Variants in CHD9 observed in about 807,000 individuals in gnomAD.
CHD9 encodes the protein chromodomain helicase DNA binding protein 9.
A neutral mutation model predicts 316.1 loss-of-function variants in CHD9; 77 were observed. The observed-to-expected ratio is 0.24, with a 90% CI of 0.20 to 0.29. The LOEUF is 0.29. Among genes scored for constraint, CHD9 ranks in the 10% least tolerant of loss-of-function variants. The pLI, the probability that CHD9 is intolerant of heterozygous loss-of-function variation, is 1.00. For missense variants in CHD9, 2,763 were observed against 3,438.1 expected (o/e 0.80, Z 4.91); for synonymous variants, 1,129 against 1,158.3 (o/e 0.97, Z 0.51).
At chr16:53,232,032 A>T (rs1203887817) in intron 10 of CHD9, among the ~76,000 whole-genome samples, 5 of 152,134 alleles carry the variant, frequency 3.3e-5, no homozygotes, top group African/African-American at 1.2e-4. Context: ...GAAGTAAGAG[A>T]AGGAAATGAA....
intron 3 of CHD9, among the ~76,000 whole-genome samples, chr16:53,212,638 G>A (rs77849294): frequency 3.8e-4 from 58 of 151,960 alleles, no homozygotes; most frequent in African/African-American, 1.4e-3. Flanking sequence ...TGTCCTTTTC[G>A]GAGCACTTTC....
At chr16:53,198,051 C>G (rs1383405563) in intron 2 of CHD9, among the ~76,000 whole-genome samples, 1 of 152,034 alleles carries the variant, frequency 6.6e-6, no homozygotes, top group Non-Finnish European at 1.5e-5. Flanking sequence ...TCAAGCGTAT[C>G]GACTCTCCAA....
At chr16:53,082,894 C>G (rs1044853120) in intron 1 of CHD9, among the ~76,000 whole-genome samples, 1 of 152,230 alleles carries the variant, frequency 6.6e-6, no homozygotes, top group African/African-American at 2.4e-5. Flanking sequence ...CATGCCCTCC[C>G]TCTTTGTGTC....
rs537055503 is a variant in CHD9, at chr16:53,079,164, A to G, written c.-165+24087A>G. 7.2e-5 allele frequency among the ~76,000 whole-genome samples: 11 copies of G among 152,304 alleles called. No individual in the cohort carries two copies. The South Asian group carries it at 2.3e-3, about 32-fold the overall frequency. ...AAGCTTTTCCTTCTCGTACCCCTCA[A>G]AAGATTTTCCTACTGGTCTGGTCCA... On this transcript the variant is annotated intron_variant, in intron 1 of 38. Transcript: ENST00000447540.
intron 1 of CHD9, among the ~76,000 whole-genome samples, chr16:53,153,989 A>G (rs2041319771): frequency 6.6e-6 from 1 of 152,198 alleles, no homozygotes; most frequent in Non-Finnish European, 1.5e-5. Context: ...CAAATAATGA[A>G]TATACAACTG....
chr16:53,130,292 G>A (rs899962360), intron 1 of CHD9, among the ~76,000 whole-genome samples: 1 of 152,196 alleles, frequency 6.6e-6, no homozygotes, highest in African/African-American at 2.4e-5. Flanking sequence ...GTCTCCGCGC[G>A]AAAGGAGAAC....
Position 53,306,222 on chromosome 16 carries a change from A to G in CHD9, c.6620-15A>G. ...TGTAGTCTTTTTAAAAAATGATTAT[A>G]ATTGTTTTTAGCAGAAAGTACTACT... is the stretch of plus-strand genomic sequence containing the variant. On this transcript the variant is annotated splice_polypyrimidine_tract_variant and intron_variant, in intron 31 of 38. Transcript: ENST00000447540. 6.9e-7 allele frequency: 1 copy of G among 1,439,684 alleles called. No individual in the cohort carries two copies. Among genetic ancestry groups the G allele is most frequent in the Non-Finnish European group, 9.2e-7 (1 of 1,089,426 alleles). 89.2% of individuals were successfully genotyped at this position (1,439,684 alleles called of 1,614,324 possible). A position where few individuals can be genotyped will look rare whatever the true frequency, so the allele number is the denominator to read the frequency against.
chr16:53,147,221 A>G (rs2040705894), intron 1 of CHD9, among the ~76,000 whole-genome samples: 1 of 152,232 alleles, frequency 6.6e-6, no homozygotes, highest in Non-Finnish European at 1.5e-5. Flanking sequence ...AAGGGCAATC[A>G]GGAAAGGCCT....
intron 36 of CHD9, among the ~76,000 whole-genome samples, chr16:53,317,163 C>CAAAAAA (rs537619212): frequency 4.9e-5 from 4 of 81,746 alleles, no homozygotes; most frequent in African/African-American, 1.4e-4. Context: ...AACTCCATCT[C>CAAAAAA]AAAAAAAAAA....
chr16:53,128,403 A>G (rs1210994182), intron 1 of CHD9, among the ~76,000 whole-genome samples: 1 of 152,044 alleles, frequency 6.6e-6, no homozygotes, highest in East Asian at 1.9e-4. Context: ...GCTGGTCTCC[A>G]ACTCCTGGCC....
intron 1 of CHD9, among the ~76,000 whole-genome samples, chr16:53,109,941 C>A (rs1395439735): frequency 6.6e-6 from 1 of 152,128 alleles, no homozygotes; most frequent in Admixed American, 6.5e-5. Flanking sequence ...GCCTCGGCCT[C>A]CCAAAGTGCT....
At chr16:53,262,560 G>A (rs2051249400) in intron 19 of CHD9, among the ~76,000 whole-genome samples, 1 of 152,034 alleles carries the variant, frequency 6.6e-6, no homozygotes, top group Admixed American at 6.5e-5. Flanking sequence ...TCCTTTAGGA[G>A]ATATTACTAT....
intron 19 of CHD9, among the ~76,000 whole-genome samples, chr16:53,256,919 A>G (rs965269141): frequency 2.0e-5 from 3 of 152,168 alleles, no homozygotes; most frequent in Non-Finnish European, 4.4e-5. Context: ...CAGCCTTCAA[A>G]TAGAAACTCA....
At chr16:53,272,453 C>G (rs775170503) in intron 22 of CHD9, among the ~76,000 whole-genome samples, 4 of 151,648 alleles carry the variant, frequency 2.6e-5, no homozygotes, top group Non-Finnish European at 5.9e-5. Context: ...TATAAAATGG[C>G]AAGGAAAAGG....
intron 38 of CHD9, among the ~76,000 whole-genome samples, chr16:53,322,026 C>G (rs1368997975): frequency 6.8e-6 from 1 of 146,196 alleles, no homozygotes; most frequent in African/African-American, 2.5e-5. Flanking sequence ...TAGACAGGAT[C>G]CCTCTCTGTC....
Position 53,242,878 on chromosome 16 carries a change from C to T in CHD9, c.2916C>T (p.Ile972=), listed in dbSNP as rs376653489. 1.2e-6 allele frequency: 2 copies of T among 1,613,316 alleles called. No individual in the cohort carries two copies. Among genetic ancestry groups the T allele is most frequent in the Non-Finnish European group, 1.7e-6 (2 of 1,179,594 alleles). ...GAGGAGCTTACAGATTCCAAGCCAT[C>T]ATCACCACTTTTGAAATGATTCTTG... ...IIRGAYRFQA[I]ITTFEMILGG... The change falls in exon 13 of 39, where the codon ATC becomes ATT. Residue 972 remains isoleucine (I), a synonymous_variant. Coordinates refer to ENST00000447540, the MANE Select transcript of CHD9 (RefSeq NM_001308319.2).
chr16:53,118,634 T>A (rs757335518), intron 1 of CHD9, among the ~76,000 whole-genome samples: 5 of 152,086 alleles, frequency 3.3e-5, no homozygotes, highest in Non-Finnish European at 7.4e-5. Context: ...TCTAAAACCA[T>A]GGGGTTTAGT....
chr16:53,065,290 G>T (rs1037166252), intron 1 of CHD9, among the ~76,000 whole-genome samples: 4 of 152,072 alleles, frequency 2.6e-5, no homozygotes, highest in Non-Finnish European at 5.9e-5. Flanking sequence ...ATCAATCACT[G>T]CATCTTTTCC....
intron 29 of CHD9, among the ~76,000 whole-genome samples, chr16:53,294,729 A>G (rs2054630920): frequency 6.6e-6 from 1 of 152,236 alleles, no homozygotes; most frequent in East Asian, 1.9e-4. Context: ...AGGCCAGCCC[A>G]GATTTAGGGG....
Sources: allele counts gnomAD v4.1 joint callset (sites outside exome capture counted in the v4.1 genomes callset), GRCh38; gene constraint gnomAD v4.1.1; transcripts MANE v1.5; gene names NCBI Gene and HGNC (gene_info 2026-07-23, HGNC 2026-07-21).